Variants in DZIP1 observed in about 807,000 individuals in gnomAD.
DZIP1 encodes DAZ interacting zinc finger protein 1, also known as cilium assembly protein DZIP1.
Under a neutral mutation model 107.6 loss-of-function variants are expected in DZIP1, and 97 were observed. That is an observed-to-expected ratio of 0.90 (90% confidence interval 0.77 to 1.07). The LOEUF is 1.07. DZIP1 is among the 50% of genes least tolerant of loss of function. The pLI is 0.00. For missense variants in DZIP1, 1,035 were observed against 1,063.6 expected (o/e 0.97, Z 0.37); for synonymous variants, 390 against 386.4 (o/e 1.01, Z -0.11).
chr13:95,619,784 C>G, intron 10 of DZIP1, 101 bp downstream of exon 10: 1 of 1,195,446 alleles, frequency 8.4e-7, no homozygotes, highest in South Asian at 1.5e-5. Context: ...ACATTTCTCC[C>G]CAAATGTTAT....
chr13:95,586,229 T>C (rs1051290494), intron 20 of DZIP1, 93 bp from the exon 21 acceptor site: 1 of 1,088,768 alleles, frequency 9.2e-7, no homozygotes, highest in African/African-American at 1.6e-5. Context: ...TTTGAAAGAG[T>C]CTAAGCTTTG....
At chr13:95,615,215 C>T (rs757065381) in intron 10 of DZIP1, among the ~76,000 whole-genome samples, 3 of 152,122 alleles carry the variant, frequency 2.0e-5, no homozygotes, top group Non-Finnish European at 4.4e-5. Flanking sequence ...TATCACAACT[C>T]GCAATGACAA....
chr13:95,622,257 CT>C, intron 9 of DZIP1, 85 bp downstream of exon 9: 1 of 1,562,330 alleles, frequency 6.4e-7, no homozygotes, highest in Non-Finnish European at 8.7e-7. Flanking sequence ...AAGACAAACA[CT>C]TTTTCTGCAG....
At chr13:95,582,367 A>ATT in intron 22 of DZIP1, 54 bp from the exon 23 acceptor site, 1 of 1,400,932 alleles carries the variant, frequency 7.1e-7, no homozygotes, top group South Asian at 1.2e-5. Flanking sequence ...AAACAAGCAC[A>ATT]TTGTCAAGTC....
rs1007304437 is a variant in DZIP1 at position 95,612,108 on chromosome 13, T to C, written c.1243A>G (p.Lys415Glu). ...DDLNASNVFYKKRIEELGQRL... is the reference protein window; with the variant it reads ...DDLNASNVFYEKRIEELGQRL... ...TGCCCTAGCTCTTCTATCCTTTTCTTATAGAAAACATTGCTTGCATTTAGA... is the reference window on the plus strand; with the variant it reads ...TGCCCTAGCTCTTCTATCCTTTTCTCATAGAAAACATTGCTTGCATTTAGA... The change falls in exon 11 of 23, where the codon AAG (lysine) becomes GAG (glutamate). Residue 415 changes from lysine (K) to glutamate (E), a missense_variant. Transcript: ENST00000376829. 17 of 1,613,828 alleles carry C rather than the reference T, an allele frequency of 1.1e-5. No homozygotes were observed. Among genetic ancestry groups the C allele is most frequent in the Non-Finnish European group, 1.4e-5 (17 of 1,180,020 alleles).
chr13:95,641,263 A>T lies in DZIP1; in HGVS notation c.597+32T>A. On this transcript the variant is annotated intron_variant, in intron 5 of 22. Coordinates refer to ENST00000376829, the MANE Select transcript of DZIP1 (RefSeq NM_198968.4). The surrounding 1 kb of genome is among the most constrained non-coding windows in gnomAD (Gnocchi z 4.3). ...AAATGGGAACTGAGTTGTTTACTGG[A>T]TTATGAATCGTGCTCACACACAGCT... 3.2e-6 allele frequency: 5 copies of T among 1,540,672 alleles called. No homozygotes were observed. Among genetic ancestry groups the T allele is most frequent in the Non-Finnish European group, 4.4e-6 (5 of 1,139,934 alleles).
intron 6 of DZIP1, among the ~76,000 whole-genome samples, chr13:95,632,909 A>G (rs191282319): frequency 1.3e-5 from 2 of 152,252 alleles, no homozygotes. Flanking sequence ...CTGCGCTATG[A>G]TCTTCATCGC....
At chr13:95,584,948 G>A (rs1363364253) in intron 21 of DZIP1, 38 bp from the exon 22 acceptor site, 13 of 1,552,130 alleles carry the variant, frequency 8.4e-6, no homozygotes, top group Admixed American at 5.6e-5. Flanking sequence ...ATGTTGCTTA[G>A]AAAAAAATGG....
Position 95,641,160 on chromosome 13 carries a change from T to G in DZIP1, c.597+135A>C. 1 of 1,246,504 alleles carries G rather than the reference T, an allele frequency of 8.0e-7. No individual in the cohort carries two copies. The highest frequency in any genetic ancestry group is 1.1e-6 in the Non-Finnish European group (1 of 931,062). The allele number at this position is 1,246,504 out of a possible 1,614,324, so 77.2% of individuals were successfully genotyped here. ...CATTTGTTGGTTAAATGACTGTTTTTGCTTAAATATACTGTGTCTTCTGAT... is the reference window on the plus strand; with the variant it reads ...CATTTGTTGGTTAAATGACTGTTTTGGCTTAAATATACTGTGTCTTCTGAT... On this transcript the variant is annotated intron_variant, in intron 5 of 22. Coordinates refer to ENST00000376829, the MANE Select transcript of DZIP1 (RefSeq NM_198968.4). This position sits in a 1 kb window ranked among gnomAD's most constrained non-coding sequence, Gnocchi z 4.3.
rs3051402 is a variant in DZIP1, at chr13:95,621,665, AGTGTGTGTGTGTGTGTGT to A, written c.1110+660_1110+677del. Among the ~76,000 whole-genome samples the A allele has an allele frequency of 2.3e-3, 290 of 123,414 alleles. 1 individual carries two copies. Among genetic ancestry groups the A allele is most frequent in the African/African-American group, 6.4e-3 (217 of 33,742 alleles). The allele number at this position is 123,414 out of a possible 152,430, so 81.0% of individuals were successfully genotyped here. ...ACAGATCATCAGCTGACCAGTTAGC[AGTGTGTGTGTGTGTGTGT>A]GTGTGTGTGTGTGTGTGTGTGTGTG... On this transcript the variant is annotated intron_variant, in intron 9 of 22. Transcript: ENST00000376829.
intron 10 of DZIP1, 36 bp downstream of exon 10, chr13:95,619,849 A>G (rs921334061): frequency 1.3e-6 from 2 of 1,587,674 alleles, no homozygotes; most frequent in African/African-American, 2.7e-5. Context: ...TCTTTAAAAA[A>G]TGGCCCACTT....
intron 10 of DZIP1, 28 bp from the exon 11 acceptor site, chr13:95,612,205 T>C: frequency 6.3e-7 from 1 of 1,599,540 alleles, no homozygotes; most frequent in Non-Finnish European, 8.5e-7. Flanking sequence ...AAGGCATCCA[T>C]CTGTAAGCTG....
intron 15 of DZIP1, among the ~76,000 whole-genome samples, chr13:95,594,873 C>A (rs2044402348): frequency 2.8e-5 from 1 of 35,704 alleles, no homozygotes; most frequent in Admixed American, 3.0e-4. Flanking sequence ...CTTTTTTATT[C>A]CCCACTTAAA....
Position 95,642,518 on chromosome 13 carries a change from AAGT to A in DZIP1, c.-212-280_-212-278del, listed in dbSNP as rs559858152. 1.4e-3 allele frequency among the ~76,000 whole-genome samples: 213 copies of A among 152,334 alleles called. 1 individual carries two copies. Among genetic ancestry groups the A allele is most frequent in the Middle Eastern group, 3.4e-3 (1 of 294 alleles). On this transcript the variant is annotated intron_variant, in intron 3 of 22. Coordinates refer to ENST00000376829, the MANE Select transcript of DZIP1 (RefSeq NM_198968.4). ...CATCATTAATAGAAAAAGAAAAAAA[AAGT>A]AGTATCTATTCATCCTCATCTTTTA...
At position 95,641,680 on chromosome 13, in the gene DZIP1, C is replaced by T. The variant is rs778737359; in HGVS notation, c.212G>A (p.Arg71Gln). The change falls in exon 5 of 23, where the codon CGG becomes CAG. Residue 71 changes from arginine (R) to glutamine (Q), a missense_variant. Physicochemically the swap from Arg to Gln is conservative, Grantham distance 43. Transcript: ENST00000376829. This position sits in a 1 kb window ranked among gnomAD's most constrained non-coding sequence, Gnocchi z 4.3. ...RPRLESVDWR[R>Q]LSAIDVDKVA... ...CTTGTCCACGTCGATGGCGCTCAGC[C>T]GCCGCCAGTCCACACTCTCCAGCCG... is the stretch of plus-strand genomic sequence containing the variant. The T allele has an allele frequency of 1.2e-6, 2 of 1,605,056 alleles. No homozygotes were observed. The highest frequency in any genetic ancestry group is 1.7e-5 in the Admixed American group (1 of 60,010).
intron 22 of DZIP1, chr13:95,584,440 G>T: frequency 3.3e-6 from 1 of 303,936 alleles, no homozygotes; most frequent in Non-Finnish European, 4.9e-6. Flanking sequence ...AGGTTGCAGT[G>T]AGCCATGATG....
intron 15 of DZIP1, 31 bp downstream of exon 15, chr13:95,599,334 T>A (rs1447597615): frequency 6.3e-7 from 1 of 1,592,460 alleles, no homozygotes; most frequent in East Asian, 2.2e-5. Context: ...ATATAATCTG[T>A]GCAGGTAAAC....
rs1288869761 is a variant in DZIP1, at chr13:95,589,308, T to C, written c.1974-101A>G. The stretch of plus-strand genomic sequence containing the variant: ...GGTGATTTTTGCTTTTGACATACAC[T>C]AACGAGGAAGAGCAGCAACAAAAGT... On this transcript the variant is annotated intron_variant, in intron 18 of 22. Transcript: ENST00000376829. 4 of 898,398 alleles carry C rather than the reference T, an allele frequency of 4.5e-6. No individual in the cohort carries two copies. In the Admixed American group the frequency reaches 1.0e-4, roughly 23 times the overall value. The allele number at this position is 898,398 out of a possible 1,614,324, so 55.7% of individuals were successfully genotyped here.
rs368276400 is a variant in DZIP1, at chr13:95,610,111, T to TGTGTGTGAGAGAGAGA, written c.1364-599_1364-598insTCTCTCTCTCACACAC. Among the ~76,000 whole-genome samples the TGTGTGTGAGAGAGAGA allele has an allele frequency of 6.9e-3, 876 of 126,586 alleles. 15 individuals are homozygous for TGTGTGTGAGAGAGAGA. The highest frequency in any genetic ancestry group is 0.014 in the African/African-American group (475 of 34,170). The allele number at this position is 126,586 out of a possible 152,430, so 83.0% of individuals were successfully genotyped here. A position where few individuals can be genotyped will look rare whatever the true frequency, so the allele number is the denominator to read the frequency against. ...GTGTGTGTGTGTGTGTGTGTGTGTG[T>TGTGTGTGAGAGAGAGA]GAGAGAGAGACAGAGAGAGAGAGAC... On this transcript the variant is annotated intron_variant, in intron 12 of 22. Coordinates refer to ENST00000376829, the MANE Select transcript of DZIP1 (RefSeq NM_198968.4).
Sources: allele counts gnomAD v4.1 joint callset (sites outside exome capture counted in the v4.1 genomes callset), GRCh38; gene constraint gnomAD v4.1.1; non-coding constraint Gnocchi (gnomAD v3.1); transcripts MANE v1.5; gene names NCBI Gene and HGNC (gene_info 2026-07-23, HGNC 2026-07-21).